The following RBFOX3 variants were observed in gnomAD, a reference collection of about 807,000 sequenced individuals.
RBFOX3 encodes the protein RNA binding fox-1 homolog 3, also known as RNA binding protein fox-1 homolog 3.
RBFOX3 carries 17 observed loss-of-function variants against 48.7 expected under a neutral mutation model. The observed-to-expected ratio is 0.35, with a 90% CI of 0.24 to 0.52. RBFOX3 has a LOEUF of 0.52. Ranked by LOEUF, RBFOX3 falls within the 20% of genes least tolerant of loss-of-function variation. The pLI, the probability that RBFOX3 is intolerant of heterozygous loss-of-function variation, is 0.94. For missense variants in RBFOX3, 382 were observed against 497.5 expected, an observed-to-expected ratio of 0.77 and a Z score of 2.21; for synonymous variants, 212 against 209.5, an observed-to-expected ratio of 1.01 and a Z score of -0.10.
chr17:79,312,297 A>AAAT (rs982289406), intron 2 of RBFOX3, among the ~76,000 whole-genome samples: 1 of 150,918 alleles, frequency 6.6e-6, no homozygotes, highest in Non-Finnish European at 1.5e-5. Context: ...AAAAAAAAAA[A>AAAT]AAGAGGGCGA....
chr17:79,301,290 G>C (rs1487571224), intron 3 of RBFOX3, among the ~76,000 whole-genome samples: 1 of 152,246 alleles, frequency 6.6e-6, no homozygotes, highest in African/African-American at 2.4e-5. Flanking sequence ...GGGGCTGCGA[G>C]TTGTCCATCT....
intron 2 of RBFOX3, among the ~76,000 whole-genome samples, chr17:79,451,178 A>C (rs1359746863): frequency 6.6e-6 from 1 of 152,220 alleles, no homozygotes; most frequent in East Asian, 1.9e-4. Flanking sequence ...TATGATGTTT[A>C]GGAGCATCAT....
intron 3 of RBFOX3, among the ~76,000 whole-genome samples, chr17:79,276,988 T>C (rs1303198414): frequency 6.6e-6 from 1 of 152,200 alleles, no homozygotes; most frequent in East Asian, 1.9e-4. Flanking sequence ...CCATCTGCTA[T>C]GGCTCCCAGT....
intron 1 of RBFOX3, among the ~76,000 whole-genome samples, chr17:79,483,716 C>T (rs1378305777): frequency 6.6e-6 from 1 of 151,850 alleles, no homozygotes; most frequent in Non-Finnish European, 1.5e-5. Context: ...AGTGCTGAAT[C>T]CCCAGTGCCC....
intron 2 of RBFOX3, among the ~76,000 whole-genome samples, chr17:79,416,412 G>A (rs2148667545): frequency 6.6e-6 from 1 of 152,362 alleles, no homozygotes; most frequent in Admixed American, 6.5e-5. Flanking sequence ...GCTAGGCATA[G>A]TATAGGGCAA....
At chr17:79,149,111 C>A (rs1307773902) in intron 4 of RBFOX3, among the ~76,000 whole-genome samples, 1 of 152,218 alleles carries the variant, frequency 6.6e-6, no homozygotes, top group Non-Finnish European at 1.5e-5. Context: ...TCCTCCAGGG[C>A]ATGGAGGCTC....
intron 2 of RBFOX3, among the ~76,000 whole-genome samples, chr17:79,325,770 G>A (rs756951144): frequency 1.3e-5 from 2 of 152,008 alleles, no homozygotes; most frequent in South Asian, 2.1e-4. Flanking sequence ...GATATTTATC[G>A]TTCGCTCCCT....
chr17:79,341,153 G>A (rs1402431201), intron 2 of RBFOX3, among the ~76,000 whole-genome samples: 1 of 152,216 alleles, frequency 6.6e-6, no homozygotes, highest in East Asian at 1.9e-4. Flanking sequence ...ATGCACGTAT[G>A]CACAGTGTGT....
At chr17:79,190,429 A>T (rs539941970) in intron 4 of RBFOX3, among the ~76,000 whole-genome samples, 1 of 59,472 alleles carries the variant, frequency 1.7e-5, no homozygotes, top group Non-Finnish European at 4.7e-5. Context: ...AAAAAAAAAA[A>T]AACAAAAAAA....
intron 4 of RBFOX3, among the ~76,000 whole-genome samples, chr17:79,181,252 A>G (rs1028893405): frequency 1.3e-5 from 2 of 151,848 alleles, no homozygotes; most frequent in Non-Finnish European, 2.9e-5. Flanking sequence ...TAAATCCTAC[A>G]CTCTATCTGC....
At chr17:79,354,763 C>T (rs1436279548) in intron 2 of RBFOX3, among the ~76,000 whole-genome samples, 7 of 152,242 alleles carry the variant, frequency 4.6e-5, no homozygotes, top group East Asian at 1.9e-4. Context: ...CCTCCAACTC[C>T]GGCCCCTCAG....
rs969704303 is a variant in RBFOX3 at position 79,392,418 on chromosome 17, G to A, written c.-174-84594C>T. 1.3e-5 allele frequency among the ~76,000 whole-genome samples: 2 copies of A among 152,142 alleles called. No homozygotes were observed. The highest frequency in any genetic ancestry group is 2.4e-5 in the African/African-American group (1 of 41,426). On this transcript the variant is annotated intron_variant, in intron 2 of 14. Transcript: ENST00000693108. This position sits in a 1 kb window ranked among gnomAD's most constrained non-coding sequence, Gnocchi z 5.0. ...AGCTAACTCTCACACGGTAGTGAGC[G>A]CAGGGCCCGGCCACTCACAGGTGCA...
At chr17:79,576,930 C>T (rs2092882257) in intron 1 of RBFOX3, among the ~76,000 whole-genome samples, 1 of 152,132 alleles carries the variant, frequency 6.6e-6, no homozygotes. Flanking sequence ...CTGGCTATGG[C>T]TTGATGTTTC....
chr17:79,370,559 A>G (rs2058388351), intron 2 of RBFOX3, among the ~76,000 whole-genome samples: 1 of 148,488 alleles, frequency 6.7e-6, no homozygotes, highest in Non-Finnish European at 1.5e-5. Flanking sequence ...ACATACATAC[A>G]TGTGTGCTCA....
chr17:79,303,851 CTG>C (rs34981785), intron 3 of RBFOX3, among the ~76,000 whole-genome samples: 38,846 of 147,678 alleles, frequency 0.26, 5,117 homozygotes, highest in Middle Eastern at 0.32. Context: ...GCATGTCTGC[CTG>C]TGTGTGTGTG....
intron 2 of RBFOX3, among the ~76,000 whole-genome samples, chr17:79,310,944 C>G (rs971493315): frequency 6.6e-6 from 1 of 152,142 alleles, no homozygotes; most frequent in African/African-American, 2.4e-5. Flanking sequence ...CAGTCCAGCA[C>G]GTACCTAGGT....
chr17:79,329,847 G>T lies in RBFOX3; in HGVS notation c.-174-22023C>A, dbSNP rs9902298. ...AACAAATGGCTGGTCGCACATTTTA[G>T]CCTGGTGTCACCAAGGGTCCCACGC... On this transcript the variant is annotated intron_variant, in intron 2 of 14. Coordinates refer to ENST00000693108, the MANE Select transcript of RBFOX3 (RefSeq NM_001350451.2). 9.9e-3 allele frequency among the ~76,000 whole-genome samples: 1,509 copies of T among 152,242 alleles called. 30 individuals are homozygous for T. Among genetic ancestry groups the T allele is most frequent in the South Asian group, 0.037 (178 of 4,816 alleles).
intron 4 of RBFOX3, among the ~76,000 whole-genome samples, chr17:79,180,212 A>T (rs916902012): frequency 6.6e-6 from 1 of 152,148 alleles, no homozygotes; most frequent in African/African-American, 2.4e-5. Context: ...CTCAGGAGGG[A>T]CACACCCCAT....
chr17:79,460,243 T>C (rs1598790501), intron 2 of RBFOX3, among the ~76,000 whole-genome samples: 1 of 152,194 alleles, frequency 6.6e-6, no homozygotes, highest in East Asian at 1.9e-4. Flanking sequence ...AATCAATTAA[T>C]AGTTCATGTT....
Sources: allele counts gnomAD v4.1 joint callset (sites outside exome capture counted in the v4.1 genomes callset), GRCh38; gene constraint gnomAD v4.1.1; non-coding constraint Gnocchi (gnomAD v3.1); transcripts MANE v1.5; gene names NCBI Gene and HGNC (gene_info 2026-07-23, HGNC 2026-07-21).